Variants in OGT observed in about 807,000 individuals in gnomAD.
The protein encoded by OGT is UDP-N-acetylglucosamine--peptide N-acetylglucosaminyltransferase 110 kDa subunit.
Under a neutral mutation model 75.8 loss-of-function variants are expected in OGT, and 3 were observed. The ratio of observed to expected loss-of-function variants is 0.04; its 90% CI spans 0.02 to 0.10. The LOEUF (loss-of-function observed/expected upper bound fraction) is 0.10. Among genes scored for constraint, OGT ranks in the 10% least tolerant of loss-of-function variants. The probability of loss-of-function intolerance (pLI) is 1.00; values close to 1 mark genes in which losing one functional copy is unlikely to be tolerated. For synonymous variants in OGT, 257 were observed against 289.7 expected, an observed-to-expected ratio of 0.89 and a Z score of 1.15; for missense variants, 260 against 824.4, an observed-to-expected ratio of 0.32 and a Z score of 8.38.
chrX:71,554,716 CTGCCCA>C, intron 6 of OGT, 124 bp downstream of exon 6: 1 of 489,258 alleles, frequency 2.0e-6, no homozygotes, highest in Non-Finnish European at 3.5e-6. Context: ...ACGTTGTTCT[CTGCCCA>C]TGTCCTGTGT....
At chrX:71,555,444 A>G in intron 7 of OGT, 59 bp downstream of exon 7, 1 of 1,042,440 alleles carries the variant, frequency 9.6e-7, no homozygotes, top group South Asian at 2.2e-5. Flanking sequence ...TTTTCTGGCC[A>G]GGTGTGGTGG....
chrX:71,562,575 C>G (rs951691506), intron 15 of OGT, among the ~76,000 whole-genome samples: 2 of 112,133 alleles, frequency 1.8e-5, no homozygotes, highest in African/African-American at 6.5e-5. Context: ...TGCTTGAGCC[C>G]AGGAGTTTGA....
intron 2 of OGT, 174 bp downstream of exon 2, chrX:71,536,532 T>G: frequency 2.7e-6 from 1 of 368,225 alleles, no homozygotes; most frequent in Non-Finnish European, 4.6e-6. Flanking sequence ...GTTTTTCTCC[T>G]TCCTTTTGTG....
chrX:71,537,750 C>T (rs1021121430), intron 2 of OGT, 79 bp from the exon 3 acceptor site: 8 of 1,098,713 alleles, frequency 7.3e-6, no homozygotes, highest in Non-Finnish European at 5.0e-6. Flanking sequence ...AGATCTCAAA[C>T]TGTTTGAGTT....
In OGT at chrX:71,567,608, A is replaced by G. The variant is rs1371072239; in HGVS notation, c.2698A>G (p.Ile900Val). ...AAACATGGGCCTGCCCCAGAACCGT[A>G]TCATTTTTTCACCTGTTGCTCCTAA... ...AQNMGLPQNR[I>V]IFSPVAPKEE... The change falls in exon 20 of 22, where the codon ATC becomes GTC. Residue 900 changes from isoleucine to valine, a missense_variant. This residue lies in a region of OGT where 79 missense variants were observed against 141.0 expected (regional missense o/e 0.56). Coordinates refer to ENST00000373719, the MANE Select transcript of OGT (RefSeq NM_181672.3). 8.3e-7 allele frequency: 1 copy of G among 1,211,456 alleles called. No individual in the cohort carries two copies. Among genetic ancestry groups the G allele is most frequent in the Admixed American group, 2.2e-5 (1 of 46,045 alleles).
intron 1 of OGT, among the ~76,000 whole-genome samples, 155 bp from the exon 2 acceptor site, chrX:71,536,023 A>C (rs1207844577): frequency 8.9e-6 from 1 of 112,448 alleles, no homozygotes; most frequent in East Asian, 2.8e-4. Flanking sequence ...TAACTTGAAG[A>C]TATACATAAC....
rs2040489679 is a variant in OGT, at chrX:71,575,386, TAATTCTGAAC to T, written c.*1593_*1602del. 3.6e-5 allele frequency: 4 copies of T among 112,661 alleles called. No individual in the cohort carries two copies. The highest frequency in any genetic ancestry group is 1.3e-4 in the African/African-American group (4 of 30,908). 9.3% of individuals were successfully genotyped at this position (112,661 alleles called of 1,213,427 possible). ...AATTTTGAGCAAGGAGTCTCAAAGG[TAATTCTGAAC>T]CAGAATTACATGTTAATGAACAGTG... On this transcript the variant is annotated 3_prime_UTR_variant, in exon 22 of 22. Coordinates refer to ENST00000373719, the MANE Select transcript of OGT (RefSeq NM_181672.3).
chrX:71,554,461 T>C, intron 5 of OGT, 52 bp from the exon 6 acceptor site: 1 of 875,611 alleles, frequency 1.1e-6, no homozygotes, highest in East Asian at 3.1e-5. Flanking sequence ...GGGAAGTTGA[T>C]CTGGTGAAAT....
intron 5 of OGT, among the ~76,000 whole-genome samples, chrX:71,552,862 G>A (rs1373513778): frequency 1.8e-5 from 2 of 110,693 alleles, no homozygotes; most frequent in African/African-American, 6.6e-5. Flanking sequence ...GCGAAGAGGG[G>A]GAGTAAGTTG....
At chrX:71,559,772 C>A in intron 14 of OGT, 95 bp downstream of exon 14, 1 of 612,807 alleles carries the variant, frequency 1.6e-6, no homozygotes, top group Non-Finnish European at 2.5e-6. Context: ...GTATTAAATG[C>A]TGTAGTACCA....
intron 1 of OGT, among the ~76,000 whole-genome samples, chrX:71,535,271 C>G (rs1276561939): frequency 9.0e-6 from 1 of 111,503 alleles, no homozygotes; most frequent in Non-Finnish European, 1.9e-5. Flanking sequence ...TCCATCCTCC[C>G]TCCCTCCCAA....
In OGT at chrX:71,567,833, A is replaced by G; in HGVS notation, c.2842+81A>G. Reference sequence around the variant, plus strand: ...GGGGGAGAAACTTCCAGGTGAAATTATATGTACTAGGAGCAACATTAAAGG... The same window carrying G: ...GGGGGAGAAACTTCCAGGTGAAATTGTATGTACTAGGAGCAACATTAAAGG... On this transcript the variant is annotated intron_variant, in intron 20 of 21. Transcript: ENST00000373719. 11 of 1,096,161 alleles carry G rather than the reference A, an allele frequency of 1.0e-5. No individual in the cohort carries two copies. The highest frequency in any genetic ancestry group is 1.3e-5 in the Non-Finnish European group (11 of 816,206). The allele number at this position is 1,096,161 out of a possible 1,213,427, so 90.3% of individuals were successfully genotyped here.
In OGT at chrX:71,559,738, C is replaced by T. The variant is rs1295186778; in HGVS notation, c.1851+61C>T. On this transcript the variant is annotated intron_variant, in intron 14 of 21. Coordinates refer to ENST00000373719, the MANE Select transcript of OGT (RefSeq NM_181672.3). ...GAGCAAGTTTAAATAAAACTATTAGCATATAGTTTATTTTTGATGATAAGT... is the reference window on the plus strand; with the variant it reads ...GAGCAAGTTTAAATAAAACTATTAGTATATAGTTTATTTTTGATGATAAGT... 3 of 885,205 alleles carry T rather than the reference C, an allele frequency of 3.4e-6. No individual in the cohort carries two copies. In the African/African-American group the frequency reaches 6.0e-5, roughly 18 times the overall value. 73.0% of individuals were successfully genotyped at this position (885,205 alleles called of 1,213,427 possible). A position where few individuals can be genotyped will look rare whatever the true frequency, so the allele number is the denominator to read the frequency against.
chrX:71,557,721 AC>A, intron 12 of OGT, 49 bp downstream of exon 12: 1 of 1,013,523 alleles, frequency 9.9e-7, no homozygotes, highest in Non-Finnish European at 1.3e-6. Flanking sequence ...AAACACAAAT[AC>A]AGAAAACTGT....
chrX:71,538,150 G>A, intron 3 of OGT, 78 bp downstream of exon 3: 1 of 1,091,234 alleles, frequency 9.2e-7, no homozygotes, highest in Non-Finnish European at 1.2e-6. Context: ...AGACACTAAA[G>A]TAGGTTTTCA....
At chrX:71,536,140 C>T (rs1465594321) in intron 1 of OGT, 38 bp from the exon 2 acceptor site, 12 of 1,117,537 alleles carry the variant, frequency 1.1e-5, no homozygotes, top group African/African-American at 5.6e-5. Flanking sequence ...TTTTTGTTTT[C>T]CCCCCTCCTT....
chrX:71,537,889 G>A lies in OGT; in HGVS notation c.279G>A (p.Ser93=), dbSNP rs1281068787. 4.1e-6 allele frequency: 5 copies of A among 1,211,567 alleles called. No homozygotes were observed. Among genetic ancestry groups the A allele is most frequent in the South Asian group, 1.8e-5 (1 of 56,985 alleles). The change falls in exon 3 of 22, where the codon TCG becomes TCA. Residue 93 remains serine (S), a synonymous_variant. Coordinates refer to ENST00000373719, the MANE Select transcript of OGT (RefSeq NM_181672.3). ...KQNPLLAEAY[S]NLGNVYKERG... is the part of the protein sequence containing the mutation. Reference sequence around the variant, plus strand: ...ACCCCCTTCTGGCAGAAGCTTATTCGAATTTGGGGAATGTGTACAAGGAAA... The same window carrying A: ...ACCCCCTTCTGGCAGAAGCTTATTCAAATTTGGGGAATGTGTACAAGGAAA...
At chrX:71,534,532 G>T (rs2040161103) in intron 1 of OGT, among the ~76,000 whole-genome samples, 1 of 110,806 alleles carries the variant, frequency 9.0e-6, no homozygotes, top group South Asian at 3.8e-4. Context: ...ATGTGTGGAG[G>T]GTTTTAGCTA....
chrX:71,570,828 C>T (rs1406521958), intron 21 of OGT, among the ~76,000 whole-genome samples: 1 of 111,038 alleles, frequency 9.0e-6, no homozygotes, highest in African/African-American at 3.3e-5. Flanking sequence ...GGGTCTCACT[C>T]TGTTAACTCA....
Sources: allele counts gnomAD v4.1 joint callset (sites outside exome capture counted in the v4.1 genomes callset), GRCh38; gene constraint gnomAD v4.1.1; regional missense constraint gnomAD v4.1.1; transcripts MANE v1.5; gene names NCBI Gene and HGNC (gene_info 2026-07-23, HGNC 2026-07-21).